Variants in SSC4D observed in about 807,000 individuals in gnomAD.
SSC4D encodes the protein scavenger receptor cysteine rich family member with 4 domains.
Under a neutral mutation model 63.4 loss-of-function variants are expected in SSC4D, and 57 were observed. The ratio of observed to expected loss-of-function variants is 0.90; its 90% CI spans 0.73 to 1.12. SSC4D has a LOEUF of 1.12. Ranked by LOEUF, SSC4D falls within the 50% of genes most tolerant of loss-of-function variation. The pLI is 0.00. For synonymous variants in SSC4D, 352 were observed against 345.4 expected, an observed-to-expected ratio of 1.02 and a Z score of -0.21; for missense variants, 791 against 806.4, an observed-to-expected ratio of 0.98 and a Z score of 0.23.
chr7:76,404,281 G>A, intron 2 of SSC4D, 26 bp downstream of exon 2: 1 of 1,531,822 alleles, frequency 6.5e-7, no homozygotes, highest in Non-Finnish European at 8.8e-7. Flanking sequence ...AGAGGAAGTG[G>A]CAAGGGCTAA....
chr7:76,400,787 C>T (rs1804797094), intron 3 of SSC4D, among the ~76,000 whole-genome samples, 196 bp from the exon 4 acceptor site: 1 of 152,196 alleles, frequency 6.6e-6, no homozygotes, highest in Admixed American at 6.5e-5. Context: ...GGATCACAGA[C>T]GTGCACTACG....
At position 76,395,275 on chromosome 7, in the gene SSC4D, C is replaced by G. The variant is rs1435226997; in HGVS notation, c.924G>C (p.Trp308Cys). 1.2e-6 allele frequency: 2 copies of G among 1,613,802 alleles called. No homozygotes were observed. The highest frequency in any genetic ancestry group is 1.7e-6 in the Non-Finnish European group (2 of 1,180,038). ...TACCGGACGGATCTGTCTGCCAAGCCCAGTCCTCTCTTGTGGCTGAGGATG... is the reference window on the plus strand; with the variant it reads ...TACCGGACGGATCTGTCTGCCAAGCGCAGTCCTCTCTTGTGGCTGAGGATG... ...ALPSSATRED[W>C]AWQTDPSATG... The change falls in exon 7 of 11, where the codon TGG (tryptophan) becomes TGC (cysteine). Residue 308 changes from tryptophan (W) to cysteine (C), a missense_variant. Trp to Cys is a radical substitution (Grantham distance 215, BLOSUM62 -2). Coordinates refer to ENST00000275560, the MANE Select transcript of SSC4D (RefSeq NM_080744.2).
intron 7 of SSC4D, among the ~76,000 whole-genome samples, 188 bp from the exon 8 acceptor site, chr7:76,394,092 G>A (rs1026650381): frequency 6.6e-6 from 1 of 152,128 alleles, no homozygotes; most frequent in South Asian, 2.1e-4. Context: ...TGAATGAACC[G>A]AAAGCTAATT....
At position 76,390,375 on chromosome 7, in the gene SSC4D, C is replaced by A. The variant is rs147090673; in HGVS notation, c.1412G>T (p.Gly471Val). The A allele has an allele frequency of 3.8e-6, 6 of 1,575,670 alleles. No individual in the cohort carries two copies. Among genetic ancestry groups the A allele is most frequent in the Non-Finnish European group, 8.6e-7 (1 of 1,158,866 alleles). The change falls in exon 11 of 11, where the codon GGG (glycine) becomes GTG (valine). Residue 471 changes from glycine (G) to valine (V), a missense_variant and splice_region_variant. Coordinates refer to ENST00000275560, the MANE Select transcript of SSC4D (RefSeq NM_080744.2). Reference protein sequence around the residue: ...TRVPTPRPRDGHLRLVNGAHR... With the variant: ...TRVPTPRPRDVHLRLVNGAHR... ...GGCTCCATTGACCAGACGTAGATGC[C>A]CTGTGGGGGGACAGGGCTGGGTTGG...
rs1446908468 is a variant in SSC4D, at chr7:76,397,574, A to G, written c.812T>C (p.Leu271Pro). 3 of 1,608,220 alleles carry G rather than the reference A, an allele frequency of 1.9e-6. No homozygotes were observed. The highest frequency in any genetic ancestry group is 2.5e-6 in the Non-Finnish European group (3 of 1,177,702). Residue 271 changes from leucine to proline, a missense_variant, in exon 6 of 11, where the codon CTG (leucine) becomes CCG (proline). Transcript: ENST00000275560. ...GEPRLAACQS[L>P]GWGVHNCGHH... ...GCCGCAGTTGTGCACACCCCAGCCCAGGCTCTGGCAGGCTGCCAGGCGGGG... is the reference window on the plus strand; with the variant it reads ...GCCGCAGTTGTGCACACCCCAGCCCGGGCTCTGGCAGGCTGCCAGGCGGGG...
intron 6 of SSC4D, 103 bp downstream of exon 6, chr7:76,397,405 GACAGCCAAAA>G: frequency 7.6e-7 from 1 of 1,312,604 alleles, no homozygotes; most frequent in East Asian, 2.6e-5. Context: ...GGAGCATCAA[GACAGCCAAAA>G]CACCCTCCCC....
chr7:76,390,427 C>G (rs748114103), intron 10 of SSC4D, 52 bp from the exon 11 acceptor site: 1 of 1,506,456 alleles, frequency 6.6e-7, no homozygotes, highest in Non-Finnish European at 8.9e-7. Flanking sequence ...CCAGGCCACT[C>G]CCAAGCTAGG....
chr7:76,391,083 C>T (rs542254755), intron 10 of SSC4D, among the ~76,000 whole-genome samples: 16 of 152,188 alleles, frequency 1.1e-4, no homozygotes, highest in African/African-American at 3.6e-4. Flanking sequence ...CTGCAGTGGC[C>T]GTGATTGTGC....
At chr7:76,408,561 C>T (rs1805122432) in intron 1 of SSC4D, among the ~76,000 whole-genome samples, 1 of 152,162 alleles carries the variant, frequency 6.6e-6, no homozygotes, top group South Asian at 2.1e-4. Flanking sequence ...GAGACCCTGC[C>T]AGGAATCCTC....
At chr7:76,393,803 C>G (rs1292915281) in intron 8 of SSC4D, 27 bp downstream of exon 8, 8 of 1,415,222 alleles carry the variant, frequency 5.7e-6, no homozygotes, top group Non-Finnish European at 5.5e-6. Context: ...TTCCCCATCC[C>G]CCGCAGACCC....
Position 76,393,528 on chromosome 7 carries a change from C to A in SSC4D, c.1210G>T (p.Gly404Cys). The A allele has an allele frequency of 2.0e-6, 3 of 1,524,480 alleles. No individual in the cohort carries two copies. 94.4% of individuals were successfully genotyped at this position (1,524,480 alleles called of 1,614,324 possible). Residue 404 changes from glycine (G) to cysteine (C), a missense_variant, in exon 9 of 11, where the codon GGC (glycine) becomes TGC (cysteine). Transcript: ENST00000275560. ...TGLGHFGYGR[G>C]PVLLDNVGCA... ...CCCACGTTGTCCAGCAGCACGGGGCCGCGGCCGTAGCCGAAGTGGCCCAGT... is the reference window on the plus strand; with the variant it reads ...CCCACGTTGTCCAGCAGCACGGGGCAGCGGCCGTAGCCGAAGTGGCCCAGT...
chr7:76,405,153 G>C (rs538499461), intron 1 of SSC4D, among the ~76,000 whole-genome samples: 64 of 143,490 alleles, frequency 4.5e-4, no homozygotes, highest in South Asian at 7.0e-4. Flanking sequence ...GGCCAGGCTG[G>C]AGTGTAATGG....
intron 2 of SSC4D, 97 bp downstream of exon 2, chr7:76,404,210 G>A (rs1804924824): frequency 2.8e-6 from 4 of 1,418,380 alleles, no homozygotes; most frequent in Non-Finnish European, 3.7e-6. Context: ...CAACAGGAAC[G>A]AGCTCATTCA....
At chr7:76,406,550 C>A (rs1347954733) in intron 1 of SSC4D, among the ~76,000 whole-genome samples, 1 of 151,964 alleles carries the variant, frequency 6.6e-6, no homozygotes, top group Non-Finnish European at 1.5e-5. Flanking sequence ...GTGGCATGAT[C>A]ATGGCTCACT....
At chr7:76,406,596 G>A (rs906512433) in intron 1 of SSC4D, among the ~76,000 whole-genome samples, 12 of 151,744 alleles carry the variant, frequency 7.9e-5, no homozygotes, top group African/African-American at 2.2e-4. Context: ...GGATCCTCCC[G>A]TCTCAGCCTC....
intron 6 of SSC4D, among the ~76,000 whole-genome samples, 157 bp downstream of exon 6, chr7:76,397,361 G>A (rs752093198): frequency 6.6e-6 from 1 of 152,234 alleles, no homozygotes; most frequent in Non-Finnish European, 1.5e-5. Flanking sequence ...GACTGAGATA[G>A]AAGTAATTTT....
chr7:76,395,848 C>T (rs942049999), intron 6 of SSC4D, among the ~76,000 whole-genome samples: 23 of 152,224 alleles, frequency 1.5e-4, no homozygotes, highest in African/African-American at 4.8e-4. Flanking sequence ...CCTGCCAGCA[C>T]GCCTGGCTAA....
intron 6 of SSC4D, among the ~76,000 whole-genome samples, chr7:76,396,288 T>C (rs1031116752): frequency 1.3e-5 from 2 of 152,218 alleles, no homozygotes; most frequent in Non-Finnish European, 2.9e-5. Flanking sequence ...TCGTATGCCA[T>C]GTCAGTTTAC....
chr7:76,392,110 C>T (rs1804505349), intron 9 of SSC4D, 69 bp from the exon 10 acceptor site: 2 of 1,475,504 alleles, frequency 1.4e-6, no homozygotes, highest in African/African-American at 2.8e-5. Context: ...AGGGCCAGGT[C>T]CCCTCCTGCT....
Sources: allele counts gnomAD v4.1 joint callset (sites outside exome capture counted in the v4.1 genomes callset), GRCh38; gene constraint gnomAD v4.1.1; transcripts MANE v1.5; gene names NCBI Gene and HGNC (gene_info 2026-07-23, HGNC 2026-07-21).